ADAMTS6: variants seen among roughly 807,000 people sequenced by gnomAD.
ADAMTS6 encodes A disintegrin and metalloproteinase with thrombospondin motifs 6.
In ADAMTS6, 23 loss-of-function variants were observed where a neutral mutation model predicts 144.3. The ratio of observed to expected loss-of-function variants is 0.16; its 90% CI spans 0.11 to 0.23. The LOEUF is 0.23. ADAMTS6 is among the 10% of genes least tolerant of loss of function. ADAMTS6 has a pLI of 1.00. For missense variants in ADAMTS6, 999 were observed against 1,379.6 expected (o/e 0.72, Z 4.37); for synonymous variants, 444 against 457.5 (o/e 0.97, Z 0.38).
chr5:65,249,012 CGT>C (rs139459475), intron 14 of ADAMTS6, among the ~76,000 whole-genome samples: 4 of 150,026 alleles, frequency 2.7e-5, no homozygotes, highest in Non-Finnish European at 4.5e-5. Context: ...TGTTTTTTGC[CGT>C]GTGTGTGTGT....
At chr5:65,443,069 C>T (rs1757991621) in intron 7 of ADAMTS6, among the ~76,000 whole-genome samples, 2 of 152,176 alleles carry the variant, frequency 1.3e-5, no homozygotes, top group South Asian at 4.1e-4. Flanking sequence ...TTTCTTTATC[C>T]AGTCTATCAT....
At chr5:65,264,540 T>C (rs570428652) in intron 12 of ADAMTS6, among the ~76,000 whole-genome samples, 3 of 152,256 alleles carry the variant, frequency 2.0e-5, no homozygotes, top group African/African-American at 7.2e-5. Context: ...TCCCAGACCA[T>C]GTAACAGTGA....
chr5:65,443,920 C>G (rs1239640896), intron 7 of ADAMTS6, among the ~76,000 whole-genome samples: 1 of 152,066 alleles, frequency 6.6e-6, no homozygotes, highest in African/African-American at 2.4e-5. Flanking sequence ...AGGAACAAAA[C>G]AAGGATCTCT....
At chr5:65,312,920 T>C (rs1744640505) in intron 9 of ADAMTS6, among the ~76,000 whole-genome samples, 2 of 151,862 alleles carry the variant, frequency 1.3e-5, no homozygotes, top group African/African-American at 2.4e-5. Context: ...CAAGGAAACT[T>C]TGGCCATTGT....
intron 18 of ADAMTS6, among the ~76,000 whole-genome samples, chr5:65,223,614 T>C (rs1338125728): frequency 2.0e-5 from 3 of 152,320 alleles, no homozygotes; most frequent in East Asian, 3.9e-4. Flanking sequence ...TCCAGGTTCA[T>C]CCATATTGTT....
chr5:65,296,723 G>A (rs1232602075), intron 10 of ADAMTS6, among the ~76,000 whole-genome samples: 4 of 152,098 alleles, frequency 2.6e-5, no homozygotes, highest in East Asian at 3.9e-4. Context: ...GGTCAACTCC[G>A]ACTGTAACAT....
chr5:65,167,113 C>A (rs1175696319), intron 24 of ADAMTS6, among the ~76,000 whole-genome samples: 1 of 143,646 alleles, frequency 7.0e-6, no homozygotes, highest in South Asian at 2.4e-4. Context: ...TTGAAAGGAT[C>A]AACAAAATTG....
At chr5:65,327,993 A>C (rs922829005) in intron 9 of ADAMTS6, among the ~76,000 whole-genome samples, 10 of 151,916 alleles carry the variant, frequency 6.6e-5, no homozygotes, top group African/African-American at 2.4e-4. Flanking sequence ...AGTGAATTAA[A>C]GATAAACTGC....
intron 10 of ADAMTS6, among the ~76,000 whole-genome samples, chr5:65,295,425 A>C (rs866881837): frequency 6.6e-6 from 1 of 152,054 alleles, no homozygotes; most frequent in Non-Finnish European, 1.5e-5. Context: ...TTATATACAA[A>C]TCTTCTCATC....
intron 14 of ADAMTS6, among the ~76,000 whole-genome samples, chr5:65,256,157 G>C (rs1436724896): frequency 6.6e-6 from 1 of 152,120 alleles, no homozygotes; most frequent in Non-Finnish European, 1.5e-5. Context: ...CAGCCACATG[G>C]GGCTGTTCAA....
chr5:65,426,811 G>A (rs550173654), intron 7 of ADAMTS6, among the ~76,000 whole-genome samples: 2 of 151,982 alleles, frequency 1.3e-5, no homozygotes, highest in African/African-American at 4.8e-5. Context: ...AGAAAGAACT[G>A]AGAAGTTACA....
intron 12 of ADAMTS6, among the ~76,000 whole-genome samples, chr5:65,270,074 A>C (rs1761940230): frequency 6.6e-6 from 1 of 152,188 alleles, no homozygotes. Flanking sequence ...GATTGTAGGC[A>C]TAAGCCACCA....
chr5:65,309,069 G>A (rs1455497668), intron 9 of ADAMTS6, among the ~76,000 whole-genome samples: 2 of 152,030 alleles, frequency 1.3e-5, no homozygotes, highest in Non-Finnish European at 2.9e-5. Context: ...TTGGCACCAG[G>A]GACCAGTTTC....
intron 9 of ADAMTS6, among the ~76,000 whole-genome samples, chr5:65,316,252 G>A (rs1233716690): frequency 6.6e-6 from 1 of 152,084 alleles, no homozygotes; most frequent in Non-Finnish European, 1.5e-5. Context: ...GTAATTGATA[G>A]ATCAATCTTA....
chr5:65,422,299 G>A (rs989641030), intron 7 of ADAMTS6, among the ~76,000 whole-genome samples: 2 of 152,154 alleles, frequency 1.3e-5, no homozygotes, highest in South Asian at 2.1e-4. Context: ...CACTATTAAC[G>A]AGTCAAGAAA....
chr5:65,328,181 T>C (rs1746353154), intron 9 of ADAMTS6, among the ~76,000 whole-genome samples: 1 of 152,126 alleles, frequency 6.6e-6, no homozygotes, highest in African/African-American at 2.4e-5. Context: ...ATCAACTTGA[T>C]AAAATTTGAT....
At chr5:65,341,818 G>A (rs776773144) in intron 7 of ADAMTS6, among the ~76,000 whole-genome samples, 1 of 152,110 alleles carries the variant, frequency 6.6e-6, no homozygotes. Flanking sequence ...GTGAAGCAGA[G>A]AGAAATCTTT....
chr5:65,157,827 A>C (rs957966917), intron 24 of ADAMTS6, among the ~76,000 whole-genome samples: 2 of 152,170 alleles, frequency 1.3e-5, no homozygotes, highest in Non-Finnish European at 2.9e-5. Context: ...AGACTAGAAA[A>C]GGATGAAATG....
At chr5:65,284,144 G>T (rs1327572357) in intron 11 of ADAMTS6, among the ~76,000 whole-genome samples, 1 of 151,920 alleles carries the variant, frequency 6.6e-6, no homozygotes, top group East Asian at 1.9e-4. Context: ...AATAATAACT[G>T]AATCTTTTTT....
Sources: allele counts gnomAD v4.1 joint callset (sites outside exome capture counted in the v4.1 genomes callset), GRCh38; gene constraint gnomAD v4.1.1; transcripts MANE v1.5; gene names NCBI Gene and HGNC (gene_info 2026-07-23, HGNC 2026-07-21).